Variants in PPP2R2C observed in about 807,000 individuals in gnomAD.
PPP2R2C encodes protein phosphatase 2, regulatory subunit B, gamma.
In PPP2R2C, 10 loss-of-function variants were observed where a neutral mutation model predicts 45.3. The ratio of observed to expected loss-of-function variants is 0.22; its 90% CI spans 0.14 to 0.37. The LOEUF is 0.37. Ranked by LOEUF, PPP2R2C falls within the 10% of genes least tolerant of loss-of-function variation. PPP2R2C has a pLI of 1.00. For synonymous variants in PPP2R2C, 257 were observed against 245.4 expected, an observed-to-expected ratio of 1.05 and a Z score of -0.44; for missense variants, 308 against 619.7, an observed-to-expected ratio of 0.50 and a Z score of 5.34.
At chr4:6,474,774 C>T (rs531057142), upstream of PPP2R2C, among the ~76,000 whole-genome samples, 52 of 149,560 alleles carry the variant, frequency 3.5e-4, 1 homozygote, top group Middle Eastern at 6.9e-3. Flanking sequence ...CTCCTCCACA[C>T]TGTCTCCTCC....
intron 2 of PPP2R2C, among the ~76,000 whole-genome samples, chr4:6,479,291 C>G (rs1046196293): frequency 2.6e-5 from 4 of 152,182 alleles, no homozygotes. Context: ...CCCCAGGTCC[C>G]AGGACCAAGC....
chr4:6,473,225 G>T (rs980634300), upstream of PPP2R2C, among the ~76,000 whole-genome samples: 1 of 152,112 alleles, frequency 6.6e-6, no homozygotes, highest in East Asian at 1.9e-4. Flanking sequence ...TGACGAGTGA[G>T]AAAGTTAAAG....
At chr4:6,337,918 CTT>C (rs1159015029) in intron 6 of PPP2R2C, among the ~76,000 whole-genome samples, 3 of 152,060 alleles carry the variant, frequency 2.0e-5, no homozygotes, top group African/African-American at 7.2e-5. Flanking sequence ...AAAAGTTCCT[CTT>C]TTTCTTTTTA....
At chr4:6,483,695 T>C (rs1321798036) in intron 2 of PPP2R2C, among the ~76,000 whole-genome samples, 1 of 152,160 alleles carries the variant, frequency 6.6e-6, no homozygotes, top group Admixed American at 6.5e-5. Context: ...ATCAGACACG[T>C]GCTTTACAGA....
rs139941196 is a variant in PPP2R2C, at chr4:6,383,201, CCT to C, written c.71-2109_71-2108del. On this transcript the variant is annotated intron_variant, in intron 1 of 8. Transcript: ENST00000382599. The stretch of plus-strand genomic sequence containing the variant: ...ACCTGCGCAGGCTGGCCCACTGGCC[CCT>C]GAGGGGGAGGAGGAAGAGTGGGTGC... 4,202 of 1,190,904 alleles carry C rather than the reference CCT, an allele frequency of 3.5e-3. 49 individuals are homozygous for C. Among genetic ancestry groups the C allele is most frequent in the African/African-American group, 0.029 (1,798 of 62,616 alleles). The allele number at this position is 1,190,904 out of a possible 1,614,324, so 73.8% of individuals were successfully genotyped here.
At chr4:6,363,726 C>G (rs1255611243) in intron 5 of PPP2R2C, among the ~76,000 whole-genome samples, 1 of 152,148 alleles carries the variant, frequency 6.6e-6, no homozygotes, top group African/African-American at 2.4e-5. Context: ...ATGCTAGCAG[C>G]TGGCAAGACA....
At chr4:6,541,073 G>T (rs530615742) in intron 1 of PPP2R2C, among the ~76,000 whole-genome samples, 5 of 152,164 alleles carry the variant, frequency 3.3e-5, no homozygotes, top group Non-Finnish European at 5.9e-5. Flanking sequence ...GAAAACAAGG[G>T]AAAGGGCAGG....
At chr4:6,348,777 G>A (rs1021482069) in intron 5 of PPP2R2C, 2 of 864,762 alleles carry the variant, frequency 2.3e-6, no homozygotes, top group Admixed American at 6.2e-5. Context: ...TGGAAAGAGT[G>A]CAGAGAAAGA....
intron 1 of PPP2R2C, chr4:6,420,900 T>C: frequency 3.1e-6 from 3 of 974,982 alleles, no homozygotes; most frequent in Non-Finnish European, 3.7e-6. Context: ...ATGTGGTAGA[T>C]GATGTCCCAT....
At chr4:6,352,991 C>T (rs376283846) in intron 5 of PPP2R2C, among the ~76,000 whole-genome samples, 19 of 152,204 alleles carry the variant, frequency 1.2e-4, no homozygotes, top group Non-Finnish European at 2.4e-4. Context: ...GAGATGGGAG[C>T]GATGGCTACA....
intron 1 of PPP2R2C, among the ~76,000 whole-genome samples, chr4:6,536,421 A>G (rs1724616395): frequency 1.3e-5 from 2 of 152,280 alleles, no homozygotes; most frequent in South Asian, 4.1e-4. Flanking sequence ...TCACATAAAA[A>G]GAAACACACA....
chr4:6,421,100 T>C (rs747462286), intron 1 of PPP2R2C: 26 of 985,148 alleles, frequency 2.6e-5, no homozygotes, highest in Non-Finnish European at 3.1e-5. Context: ...CCTTTCTCTC[T>C]GTTTCCCCCA....
intron 5 of PPP2R2C, among the ~76,000 whole-genome samples, chr4:6,363,583 A>G (rs1362209055): frequency 1.3e-5 from 2 of 152,038 alleles, no homozygotes; most frequent in Non-Finnish European, 2.9e-5. Context: ...CATCTCAAAA[A>G]AAAAAAGAAA....
At chr4:6,400,138 C>T (rs531177856) in intron 1 of PPP2R2C, among the ~76,000 whole-genome samples, 3 of 152,310 alleles carry the variant, frequency 2.0e-5, no homozygotes, top group Middle Eastern at 3.4e-3. Context: ...GACCCCAAGA[C>T]GTTTTCAGGG....
intron 5 of PPP2R2C, among the ~76,000 whole-genome samples, chr4:6,359,270 T>C (rs1297394855): frequency 1.3e-5 from 2 of 152,202 alleles, no homozygotes; most frequent in Non-Finnish European, 2.9e-5. Flanking sequence ...CCACATGTTC[T>C]CACTCATAGG....
chr4:6,460,098 G>A (rs903991601), intron 1 of PPP2R2C, among the ~76,000 whole-genome samples: 1 of 152,168 alleles, frequency 6.6e-6, no homozygotes, highest in African/African-American at 2.4e-5. Flanking sequence ...ATACATAGAA[G>A]AAGCATGTGA....
intron 2 of PPP2R2C, among the ~76,000 whole-genome samples, chr4:6,489,473 G>C (rs149503394): frequency 0.012 from 1,888 of 152,206 alleles, 11 homozygotes; most frequent in Non-Finnish European, 0.021. Context: ...AAAGCAGTAT[G>C]CTCCACAAAA....
chr4:6,472,545 T>TGCGGCGACG lies in PPP2R2C; in HGVS notation c.-325_-317dup, dbSNP rs1284253416. The TGCGGCGACG allele has an allele frequency of 1.4e-5, 2 of 147,260 alleles. No individual in the cohort carries two copies. The highest frequency in any genetic ancestry group is 3.0e-5 in the Non-Finnish European group (2 of 67,090). 9.1% of individuals were successfully genotyped at this position (147,260 alleles called of 1,614,324 possible). On this transcript the variant is annotated 5_prime_UTR_variant, in exon 1 of 9. Transcript: ENST00000382599. ...GGGGCCTGGTGCCGGTGCGCCTGGC[T>TGCGGCGACG]GCGGCGACGGCGGCGAGGGGACGCG... is the stretch of plus-strand genomic sequence containing the variant.
intron 1 of PPP2R2C, among the ~76,000 whole-genome samples, chr4:6,397,270 G>A (rs1050715833): frequency 7.9e-5 from 12 of 152,216 alleles, no homozygotes; most frequent in African/African-American, 2.9e-4. Flanking sequence ...AGCTGGCTCC[G>A]ATGACAGCCA....
Sources: allele counts gnomAD v4.1 joint callset (sites outside exome capture counted in the v4.1 genomes callset), GRCh38; gene constraint gnomAD v4.1.1; transcripts MANE v1.5; gene names NCBI Gene and HGNC (gene_info 2026-07-23, HGNC 2026-07-21).